Variants in ZBTB46 observed in about 807,000 individuals in gnomAD.
The protein encoded by ZBTB46 is zinc finger and BTB domain-containing protein 46.
Under a neutral mutation model 44.1 loss-of-function variants are expected in ZBTB46, and 8 were observed. That is an observed-to-expected ratio of 0.18 (90% CI 0.11 to 0.33). ZBTB46 has a LOEUF of 0.33. Ranked by LOEUF, ZBTB46 falls within the 10% of genes least tolerant of loss-of-function variation. The pLI is 1.00. For missense variants in ZBTB46, 651 were observed against 847.7 expected (o/e 0.77, Z 2.88); for synonymous variants, 409 against 382.3 (o/e 1.07, Z -0.81).
chr20:63,749,533 T>G (rs965390963), intron 4 of ZBTB46, among the ~76,000 whole-genome samples: 2 of 152,262 alleles, frequency 1.3e-5, no homozygotes, highest in South Asian at 2.1e-4. Context: ...AGACGGGGTT[T>G]CACCGTGTTA....
chr20:63,806,421 A>G (rs1318490212), intron 1 of ZBTB46, among the ~76,000 whole-genome samples: 2 of 145,800 alleles, frequency 1.4e-5, no homozygotes, highest in African/African-American at 5.2e-5. Flanking sequence ...AAAAAAAAAA[A>G]AAGAAAGAAA....
At chr20:63,759,549 C>G (rs183923985) in intron 3 of ZBTB46, among the ~76,000 whole-genome samples, 25 of 152,134 alleles carry the variant, frequency 1.6e-4, no homozygotes, top group Non-Finnish European at 5.9e-5. Flanking sequence ...CTGTATTGCA[C>G]AGCTTGGGAC....
chr20:63,792,279 C>T (rs936570546), intron 1 of ZBTB46, among the ~76,000 whole-genome samples: 1 of 152,196 alleles, frequency 6.6e-6, no homozygotes, highest in Non-Finnish European at 1.5e-5. Context: ...GGGTCTCTCC[C>T]GTTACAAACC....
At chr20:63,832,374 C>G (rs1367407400), upstream of ZBTB46, among the ~76,000 whole-genome samples, 1 of 152,000 alleles carries the variant, frequency 6.6e-6, no homozygotes, top group Non-Finnish European at 1.5e-5. The surrounding 1 kb of genome is among the most constrained non-coding windows in gnomAD (Gnocchi z 5.0). Flanking sequence ...GCGAGGGAGT[C>G]GAGCCCGGCC....
intron 1 of ZBTB46, among the ~76,000 whole-genome samples, chr20:63,816,071 A>G (rs1041391882): frequency 3.1e-4 from 43 of 137,322 alleles, no homozygotes; most frequent in East Asian, 9.5e-4. Context: ...GCGCAGGTGC[A>G]GTGGGCACAG....
At chr20:63,774,707 T>G (rs1377915753) in intron 3 of ZBTB46, among the ~76,000 whole-genome samples, 1 of 49,682 alleles carries the variant, frequency 2.0e-5, no homozygotes, top group African/African-American at 6.1e-5. Flanking sequence ...TGTTTTTTTT[T>G]TTGTTTTTTT....
upstream of ZBTB46, among the ~76,000 whole-genome samples, chr20:63,833,484 G>A (rs554200788): frequency 1.1e-4 from 16 of 152,298 alleles, no homozygotes; most frequent in East Asian, 2.7e-3. Flanking sequence ...CCAGCTACTC[G>A]GGAGGCTGAG....
At chr20:63,776,579 G>A (rs1483066851) in intron 2 of ZBTB46, among the ~76,000 whole-genome samples, 3 of 152,170 alleles carry the variant, frequency 2.0e-5, no homozygotes, top group Admixed American at 6.5e-5. Context: ...CGAGGCGGGC[G>A]GATCATCTGA....
upstream of ZBTB46, among the ~76,000 whole-genome samples, chr20:63,833,246 C>A (rs1047313163): frequency 6.6e-6 from 1 of 152,224 alleles, no homozygotes; most frequent in African/African-American, 2.4e-5. Flanking sequence ...CTTGATCTCA[C>A]CACGACCCAG....
chr20:63,813,477 T>TA, intron 1 of ZBTB46, among the ~76,000 whole-genome samples: 1 of 151,492 alleles, frequency 6.6e-6, no homozygotes, highest in African/African-American at 2.4e-5. Context: ...ATAAATAAAA[T>TA]ACATTAAGTT....
chr20:63,764,988 G>A (rs574361777), intron 3 of ZBTB46, among the ~76,000 whole-genome samples: 24 of 151,246 alleles, frequency 1.6e-4, no homozygotes, highest in Non-Finnish European at 3.2e-4. Context: ...GCGCGGTCTC[G>A]GCTCACTGCA....
intron 3 of ZBTB46, among the ~76,000 whole-genome samples, chr20:63,760,938 C>T (rs1252551940): frequency 6.7e-6 from 1 of 149,428 alleles, no homozygotes; most frequent in Non-Finnish European, 1.5e-5. Context: ...TACAGGTGTG[C>T]ACCACCATGC....
At chr20:63,795,101 G>A (rs1299370826) in intron 1 of ZBTB46, among the ~76,000 whole-genome samples, 2 of 152,224 alleles carry the variant, frequency 1.3e-5, no homozygotes, top group South Asian at 2.1e-4. Flanking sequence ...GACCCTCAGA[G>A]GGACGCCGCC....
Position 63,789,903 on chromosome 20 carries a change from C to T in ZBTB46, c.855G>A (p.Gln285=). Residue 285 remains glutamine, a synonymous_variant, in exon 2 of 5, where the codon CAG becomes CAA. Transcript: ENST00000245663. ...NKETVRHITQ[Q]VEDDSRASSP... is the part of the protein sequence containing the mutation. ...AGCTGGCCCGGCTGTCATCTTCCACCTGCTGTGTGATGTGCCGGACGGTCT... is the reference window on the plus strand; with the variant it reads ...AGCTGGCCCGGCTGTCATCTTCCACTTGCTGTGTGATGTGCCGGACGGTCT... 1.2e-6 allele frequency: 2 copies of T among 1,614,050 alleles called. No homozygotes were observed. Among genetic ancestry groups the T allele is most frequent in the Non-Finnish European group, 1.7e-6 (2 of 1,180,046 alleles).
chr20:63,747,026 C>T lies in ZBTB46; in HGVS notation c.1674G>A (p.Glu558=), dbSNP rs1378321258. 6.2e-7 allele frequency: 1 copy of T among 1,608,330 alleles called. No individual in the cohort carries two copies. Among genetic ancestry groups the T allele is most frequent in the South Asian group, 1.1e-5 (1 of 91,062 alleles). ...CCTTGTCGTCCGCCAACAGCGCATC[C>T]TCAGGGGCCAGGCCCTCGTCGTCCT... is the stretch of plus-strand genomic sequence containing the variant. The part of the protein sequence containing the change: ...LGEDDEGLAP[E]DALLADDKDE... The change falls in exon 5 of 5, where the codon GAG becomes GAA. Residue 558 remains glutamate (E), a synonymous_variant. Transcript: ENST00000245663.
intron 2 of ZBTB46, among the ~76,000 whole-genome samples, chr20:63,785,742 A>G (rs932109359): frequency 7.2e-5 from 11 of 152,214 alleles, no homozygotes; most frequent in African/African-American, 1.9e-4. Context: ...GACGCAGCTC[A>G]GGGAGTCACT....
intron 3 of ZBTB46, among the ~76,000 whole-genome samples, chr20:63,762,955 G>C (rs953386728): frequency 6.6e-6 from 1 of 151,954 alleles, no homozygotes; most frequent in Non-Finnish European, 1.5e-5. Flanking sequence ...TCAAACTTTT[G>C]GGCTCAAGTC....
intron 1 of ZBTB46, 99 bp from the exon 2 acceptor site, chr20:63,790,889 G>T (rs555839000): frequency 1.4e-6 from 2 of 1,431,308 alleles, no homozygotes; most frequent in African/African-American, 1.4e-5. Flanking sequence ...CACAGAGTGC[G>T]GCCAGTGGGA....
rs549001976 is a variant in ZBTB46 at position 63,751,142 on chromosome 20, G to A, written c.1398+1544C>T. 4.0e-4 allele frequency among the ~76,000 whole-genome samples: 48 copies of A among 120,240 alleles called. 1 individual carries two copies. In the South Asian group the frequency reaches 6.6e-3, roughly 17 times the overall value. The allele number at this position is 120,240 out of a possible 152,430, so 78.9% of individuals were successfully genotyped here. ...CAGCTACCCCTCCCCCCGCCCCCGC[G>A]GCTTTTTATAAGTGGTTTGTAAGAT... is the stretch of plus-strand genomic sequence containing the variant. On this transcript the variant is annotated intron_variant, in intron 4 of 4. Transcript: ENST00000245663.
Sources: gnomAD v4.1 joint callset for allele counts (sites outside exome capture counted in the v4.1 genomes callset) on GRCh38, gnomAD v4.1.1 for gene constraint, Gnocchi (gnomAD v3.1) non-coding constraint, MANE v1.5 for transcripts, NCBI Gene and HGNC (gene_info 2026-07-23, HGNC 2026-07-21) for gene names.